The following GSDME variants were observed in gnomAD, a reference collection of about 807,000 sequenced individuals.
GSDME encodes the protein gasdermin-E.
Under a neutral mutation model 47.5 loss-of-function variants are expected in GSDME, and 44 were observed. The ratio of observed to expected loss-of-function variants is 0.93; its 90% CI spans 0.73 to 1.19. The LOEUF is 1.19. Ranked by LOEUF, GSDME falls within the 50% of genes most tolerant of loss-of-function variation. GSDME has a pLI of 0.00. For synonymous variants in GSDME, 258 were observed against 252.8 expected (o/e 1.02, Z -0.20); for missense variants, 663 against 604.2 (o/e 1.10, Z -1.02).
rs1790418808 is a variant in GSDME at position 24,739,491 on chromosome 7, A to G, written c.404+5071T>C. Among the ~76,000 whole-genome samples the G allele has an allele frequency of 6.6e-6, 1 of 152,120 alleles. No individual in the cohort carries two copies. Among genetic ancestry groups the G allele is most frequent in the African/African-American group, 2.4e-5 (1 of 41,432 alleles). ...ACAGGCAATAAAAACTGCTGATAAG[A>G]ATGTGGAAAAAAAGGGAATGCCTGT... On this transcript the variant is annotated intron_variant, in intron 3 of 9. Coordinates refer to ENST00000645220, the MANE Select transcript of GSDME (RefSeq NM_001127453.2). The surrounding 1 kb of genome is among the most constrained non-coding windows in gnomAD (Gnocchi z 5.1).
At chr7:24,722,341 G>A (rs1262116626) in intron 3 of GSDME, among the ~76,000 whole-genome samples, 1 of 152,204 alleles carries the variant, frequency 6.6e-6, no homozygotes, top group Non-Finnish European at 1.5e-5. Context: ...ATGGTGCATA[G>A]CAGATGCGAT....
intron 1 of GSDME, among the ~76,000 whole-genome samples, chr7:24,750,608 G>A (rs1790827053): frequency 6.6e-6 from 1 of 152,138 alleles, no homozygotes; most frequent in South Asian, 2.1e-4. Flanking sequence ...GCAAGATTTT[G>A]TCTCAAAAAG....
At chr7:24,766,583 TGA>T in the GSDME span, among the ~76,000 whole-genome samples, 5 of 152,336 alleles carry the variant, frequency 3.3e-5, no homozygotes, top group Admixed American at 3.3e-4. This position sits in a 1 kb window ranked among gnomAD's most constrained non-coding sequence, Gnocchi z 4.2. Context: ...GTTAGTTTGC[TGA>T]GAGTGATGGT....
chr7:24,757,848 G>A (rs992224498), upstream of GSDME: 3 of 152,354 alleles, frequency 2.0e-5, no homozygotes, highest in Admixed American at 6.5e-5. The surrounding 1 kb of genome is among the most constrained non-coding windows in gnomAD (Gnocchi z 5.9). Flanking sequence ...GTGGAGTGTG[G>A]ACTGACACCG....
chr7:24,700,163 G>A (rs753807129), intron 9 of GSDME, among the ~76,000 whole-genome samples: 2 of 152,130 alleles, frequency 1.3e-5, no homozygotes, highest in Non-Finnish European at 2.9e-5. Flanking sequence ...CTGCTTGATA[G>A]TGTTTAGTCA....
intron 9 of GSDME, among the ~76,000 whole-genome samples, chr7:24,702,075 C>A (rs1393913343): frequency 6.6e-6 from 1 of 152,234 alleles, no homozygotes; most frequent in Non-Finnish European, 1.5e-5. Flanking sequence ...ACCGTGTGTG[C>A]TCAGCTCCTC....
chr7:24,762,241 CTGTG>C (rs1791177434), upstream of GSDME, among the ~76,000 whole-genome samples: 1 of 87,040 alleles, frequency 1.1e-5, no homozygotes, highest in South Asian at 5.5e-4. Flanking sequence ...GTGACAGAAA[CTGTG>C]TGTCAAAAAA....
chr7:24,715,663 CTTT>C, intron 5 of GSDME: 1 of 312,126 alleles, frequency 3.2e-6, no homozygotes, highest in Non-Finnish European at 6.7e-6. Flanking sequence ...TCATGATGCA[CTTT>C]TTTTGGAAGA....
intron 5 of GSDME, among the ~76,000 whole-genome samples, chr7:24,713,288 G>A (rs984798504): frequency 7.2e-5 from 11 of 152,020 alleles, no homozygotes; most frequent in South Asian, 2.1e-4. Context: ...GCAGAGGGAC[G>A]GCGCCTCTCC....
chr7:24,718,138 C>T (rs560780954), intron 4 of GSDME, among the ~76,000 whole-genome samples: 8 of 152,342 alleles, frequency 5.3e-5, no homozygotes, highest in African/African-American at 1.4e-4. Flanking sequence ...CCAGCAGGGC[C>T]GGCCTGAGCC....
In GSDME at chr7:24,705,328, GCATATATTTATCAGCA is replaced by G. The variant is rs1358363996; in HGVS notation, c.1183+840_1183+855del. The G allele has an allele frequency of 6.6e-6, 1 of 152,338 alleles. No homozygotes were observed. The highest frequency in any genetic ancestry group is 6.5e-5 in the Admixed American group (1 of 15,294). The allele number at this position is 152,338 out of a possible 1,614,324, so 9.4% of individuals were successfully genotyped here. A position where few individuals can be genotyped will look rare whatever the true frequency, so the allele number is the denominator to read the frequency against. The stretch of plus-strand genomic sequence containing the variant: ...TATCCATGAGTTGGAACAAGACAGA[GCATATATTTATCAGCA>G]CATAGAGTTGGGACAGGCATTCTCT... On this transcript the variant is annotated intron_variant, in intron 8 of 9. Coordinates refer to ENST00000645220, the MANE Select transcript of GSDME (RefSeq NM_001127453.2). The surrounding 1 kb of genome is among the most constrained non-coding windows in gnomAD (Gnocchi z 4.1).
Position 24,726,346 on chromosome 7 carries a change from T to G in GSDME, c.405-7128A>C, listed in dbSNP as rs562420307. Among the ~76,000 whole-genome samples, 9 of 152,096 alleles carry G rather than the reference T, an allele frequency of 5.9e-5. No homozygotes were observed. The highest frequency in any genetic ancestry group is 1.3e-4 in the Non-Finnish European group (9 of 68,020). On this transcript the variant is annotated intron_variant, in intron 3 of 9. Coordinates refer to ENST00000645220, the MANE Select transcript of GSDME (RefSeq NM_001127453.2). The surrounding 1 kb of genome is among the most constrained non-coding windows in gnomAD (Gnocchi z 5.6). Reference sequence around the variant, plus strand: ...GCATAAAGGAGGTCCCGGGGATGCCTCCTGCAGAGACACAGGAGGGCGAGC... The same window carrying G: ...GCATAAAGGAGGTCCCGGGGATGCCGCCTGCAGAGACACAGGAGGGCGAGC...
chr7:24,732,841 C>G lies in GSDME; in HGVS notation c.404+11721G>C, dbSNP rs1790190206. Among the ~76,000 whole-genome samples the G allele has an allele frequency of 6.6e-6, 1 of 152,150 alleles. No individual in the cohort carries two copies. Among genetic ancestry groups the G allele is most frequent in the Admixed American group, 6.5e-5 (1 of 15,284 alleles). On this transcript the variant is annotated intron_variant, in intron 3 of 9. Coordinates refer to ENST00000645220, the MANE Select transcript of GSDME (RefSeq NM_001127453.2). This position sits in a 1 kb window ranked among gnomAD's most constrained non-coding sequence, Gnocchi z 4.8. ...AAATAAACTAGAAAGGCAGTCTAGG[C>G]CACAAGGACTGCAGCTCCTAGGCAA...
chr7:24,706,474 C>T, intron 7 of GSDME, 98 bp from the exon 8 acceptor site: 1 of 1,236,686 alleles, frequency 8.1e-7, no homozygotes, highest in Non-Finnish European at 1.1e-6. Flanking sequence ...CAGCCCTTCC[C>T]ACTCCCCCGA....
chr7:24,777,075 G>A, the GSDME span, among the ~76,000 whole-genome samples: 21 of 151,606 alleles, frequency 1.4e-4, no homozygotes, highest in Middle Eastern at 3.4e-3. Context: ...TAAAAGTAAC[G>A]AATTACTTTT....
chr7:24,717,461 A>G, intron 4 of GSDME, 87 bp from the exon 5 acceptor site: 3 of 1,591,212 alleles, frequency 1.9e-6, no homozygotes, highest in South Asian at 2.3e-5. Flanking sequence ...CGTGCCTTAT[A>G]CATAAGAGAT....
At chr7:24,730,745 G>A (rs1226715495) in intron 3 of GSDME, among the ~76,000 whole-genome samples, 1 of 152,220 alleles carries the variant, frequency 6.6e-6, no homozygotes, top group African/African-American at 2.4e-5. Flanking sequence ...AACCCAGGAA[G>A]CGGAGGTTGC....
Position 24,735,390 on chromosome 7 carries a change from A to G in GSDME, c.404+9172T>C, listed in dbSNP as rs544032315. Among the ~76,000 whole-genome samples, 35 of 152,364 alleles carry G rather than the reference A, an allele frequency of 2.3e-4. No individual in the cohort carries two copies. Among genetic ancestry groups the G allele is most frequent in the African/African-American group, 8.2e-4 (34 of 41,590 alleles). On this transcript the variant is annotated intron_variant, in intron 3 of 9. Transcript: ENST00000645220. This position sits in a 1 kb window ranked among gnomAD's most constrained non-coding sequence, Gnocchi z 4.4. ...GTACACAGAAAAAACACAGACTATT[A>G]TAACACTGTCACTGTGGTATGTAAA...
rs777304117 is a variant in GSDME, at chr7:24,728,715, C to A, written c.405-9497G>T. Among the ~76,000 whole-genome samples the A allele has an allele frequency of 2.0e-5, 3 of 152,194 alleles. No homozygotes were observed. Among genetic ancestry groups the A allele is most frequent in the Non-Finnish European group, 2.9e-5 (2 of 68,038 alleles). On this transcript the variant is annotated intron_variant, in intron 3 of 9. Coordinates refer to ENST00000645220, the MANE Select transcript of GSDME (RefSeq NM_001127453.2). The surrounding 1 kb of genome is among the most constrained non-coding windows in gnomAD (Gnocchi z 7.2). ...GAAAGCAGCCGCCCACTGTCTCCCC[C>A]GCAGGTACTAGCAGTCCCCATTTCA...
Sources: allele counts gnomAD v4.1 joint callset (sites outside exome capture counted in the v4.1 genomes callset), GRCh38; gene constraint gnomAD v4.1.1; non-coding constraint Gnocchi (gnomAD v3.1); transcripts MANE v1.5; gene names NCBI Gene and HGNC (gene_info 2026-07-23, HGNC 2026-07-21).